CFDP1: variants seen among roughly 807,000 people sequenced by gnomAD.
CFDP1 encodes chromatin remodeling protein CFDP1.
Under a neutral mutation model 40.1 loss-of-function variants are expected in CFDP1, and 31 were observed. That is an observed-to-expected ratio of 0.77 (90% CI 0.58 to 1.04). The LOEUF is 1.04. CFDP1 is among the 50% of genes least tolerant of loss of function. The pLI is 0.00. For missense variants in CFDP1, 423 were observed against 343.4 expected (o/e 1.23, Z -1.83); for synonymous variants, 167 against 120.0 (o/e 1.39, Z -2.56).
intron 5 of CFDP1, among the ~76,000 whole-genome samples, chr16:75,368,688 CT>C (rs1045797020): frequency 1.5e-3 from 213 of 142,866 alleles, no homozygotes; most frequent in East Asian, 1.8e-3. Context: ...TATTTTCTTT[CT>C]TTTTTTTTTT....
chr16:75,305,293 G>C (rs530806315), intron 5 of CFDP1, 111 bp from the exon 6 acceptor site: 185 of 1,067,196 alleles, frequency 1.7e-4, no homozygotes, highest in Non-Finnish European at 2.4e-4. Context: ...TATCTTAGTG[G>C]AAGCCATGTT....
chr16:75,327,638 C>T (rs74024767), intron 5 of CFDP1, among the ~76,000 whole-genome samples: 3,015 of 152,160 alleles, frequency 0.02, 94 homozygotes, highest in African/African-American at 0.068. Flanking sequence ...CAAATATACA[C>T]ACATATACAT....
At chr16:75,347,988 G>A (rs2078581761) in intron 5 of CFDP1, among the ~76,000 whole-genome samples, 1 of 152,190 alleles carries the variant, frequency 6.6e-6, no homozygotes, top group African/African-American at 2.4e-5. Flanking sequence ...GGCGGGAGAA[G>A]ACTAAGGAGA....
intron 5 of CFDP1, among the ~76,000 whole-genome samples, chr16:75,377,051 T>C (rs988019637): frequency 3.3e-5 from 5 of 152,230 alleles, no homozygotes; most frequent in Non-Finnish European, 5.9e-5. Context: ...ATAAAGCTGT[T>C]TTCTTCTACC....
chr16:75,323,998 T>G (rs2078385298), intron 5 of CFDP1, among the ~76,000 whole-genome samples: 1 of 152,212 alleles, frequency 6.6e-6, no homozygotes, highest in Non-Finnish European at 1.5e-5. Context: ...AGAACTACCT[T>G]GCAGGGTAAT....
chr16:75,384,583 C>T (rs1295697293), intron 5 of CFDP1, among the ~76,000 whole-genome samples: 1 of 152,042 alleles, frequency 6.6e-6, no homozygotes, highest in Non-Finnish European at 1.5e-5. Flanking sequence ...AATGACCCAG[C>T]AATCCCACTT....
chr16:75,400,310 G>A (rs2079040037), intron 4 of CFDP1, among the ~76,000 whole-genome samples: 1 of 151,680 alleles, frequency 6.6e-6, no homozygotes, highest in Non-Finnish European at 1.5e-5. Context: ...CAAAAAAGAA[G>A]GTAGAAAGCA....
Position 75,412,736 on chromosome 16 carries a change from G to C in CFDP1, c.201C>G (p.Gly67=). ...CCTCTTCCTCTTCTTCTAATGAGAG[G>C]CCACCTTGTCTTCTCTTCCTAATCA... ...SIPARKRRQG[G]LSLEEEEEED... Residue 67 remains glycine (G), a synonymous_variant, in exon 3 of 7, where the codon GGC becomes GGG. Coordinates refer to ENST00000283882, the MANE Select transcript of CFDP1 (RefSeq NM_006324.3). The C allele has an allele frequency of 1.9e-6, 3 of 1,613,142 alleles. No homozygotes were observed. Among genetic ancestry groups the C allele is most frequent in the Non-Finnish European group, 2.5e-6 (3 of 1,179,882 alleles).
At chr16:75,412,937 G>GAA (rs369207447) in intron 2 of CFDP1, among the ~76,000 whole-genome samples, 183 bp from the exon 3 acceptor site, 4 of 134,374 alleles carry the variant, frequency 3.0e-5, no homozygotes, top group African/African-American at 2.7e-5. Flanking sequence ...AAAAAGAATT[G>GAA]AAAAAAAAAA....
chr16:75,393,433 G>C (rs2151562190), intron 5 of CFDP1, among the ~76,000 whole-genome samples: 1 of 152,174 alleles, frequency 6.6e-6, no homozygotes, highest in East Asian at 1.9e-4. Context: ...CAAAGATGGG[G>C]AAGGCCCACC....
At position 75,388,145 on chromosome 16, in the gene CFDP1, C is replaced by G. The variant is rs74417510; in HGVS notation, c.650+6945G>C. 9.1e-3 allele frequency among the ~76,000 whole-genome samples: 1,389 copies of G among 152,312 alleles called. 21 individuals are homozygous for G. Among genetic ancestry groups the G allele is most frequent in the African/African-American group, 0.032 (1,335 of 41,564 alleles). On this transcript the variant is annotated intron_variant, in intron 5 of 6. Transcript: ENST00000283882. Reference sequence around the variant, plus strand: ...CCAATCATCAACTATGTAACTTCAACAAGTTAAGGACGCCTCTCTGAACCT... The same window carrying G: ...CCAATCATCAACTATGTAACTTCAAGAAGTTAAGGACGCCTCTCTGAACCT...
chr16:75,314,364 G>C (rs556239851), intron 5 of CFDP1, among the ~76,000 whole-genome samples: 27 of 152,138 alleles, frequency 1.8e-4, no homozygotes, highest in Non-Finnish European at 3.7e-4. Flanking sequence ...AGAGAAGCCA[G>C]GAACAAAGGA....
intron 1 of CFDP1, among the ~76,000 whole-genome samples, chr16:75,432,189 C>A (rs541353927): frequency 2.1e-4 from 32 of 150,168 alleles, no homozygotes; most frequent in Non-Finnish European, 4.3e-4. Flanking sequence ...GGATTACAAG[C>A]ATGAGCCACC....
intron 4 of CFDP1, among the ~76,000 whole-genome samples, chr16:75,397,647 T>TA (rs1193413515): frequency 2.7e-5 from 4 of 150,450 alleles, no homozygotes; most frequent in Admixed American, 2.0e-4. Flanking sequence ...CTAAAAAAAG[T>TA]AAAAAAAATT....
chr16:75,412,342 T>C (rs1043755782), intron 3 of CFDP1, among the ~76,000 whole-genome samples, 193 bp downstream of exon 3: 20 of 152,196 alleles, frequency 1.3e-4, no homozygotes, highest in Admixed American at 1.3e-4. Flanking sequence ...AAATGTTTCA[T>C]CTCTAACCAG....
At chr16:75,427,194 A>C (rs2079351829) in intron 1 of CFDP1, among the ~76,000 whole-genome samples, 1 of 152,232 alleles carries the variant, frequency 6.6e-6, no homozygotes, top group Non-Finnish European at 1.5e-5. Context: ...AAACAGGAAC[A>C]TGAAAAGAGC....
chr16:75,433,077 C>G (rs536319143), intron 1 of CFDP1, among the ~76,000 whole-genome samples: 1 of 152,346 alleles, frequency 6.6e-6, no homozygotes, highest in East Asian at 1.9e-4. Flanking sequence ...GCGGCCGGAG[C>G]TGCCCAACGG....
intron 1 of CFDP1, among the ~76,000 whole-genome samples, chr16:75,432,043 C>A (rs1364773614): frequency 6.6e-6 from 1 of 151,220 alleles, no homozygotes; most frequent in Non-Finnish European, 1.5e-5. Context: ...TCCTGAGGAG[C>A]TGGGACTACA....
At chr16:75,301,536 CTTTTTTTTTTTTTTTTT>C (rs546724752) in intron 6 of CFDP1, among the ~76,000 whole-genome samples, 2 of 53,938 alleles carry the variant, frequency 3.7e-5, no homozygotes, top group South Asian at 2.0e-3. Flanking sequence ...TTTGTTGTGT[CTTTTTTTTTTTTTTTTT>C]TTTTTTTTTT....
Sources: allele counts gnomAD v4.1 joint callset (sites outside exome capture counted in the v4.1 genomes callset), GRCh38; gene constraint gnomAD v4.1.1; transcripts MANE v1.5; gene names NCBI Gene and HGNC (gene_info 2026-07-23, HGNC 2026-07-21).